The following SRSF1 variants were observed in gnomAD, a reference collection of about 807,000 sequenced individuals.
SRSF1 encodes the protein serine/arginine-rich splicing factor 1.
In SRSF1, 1 loss-of-function variant was observed where a neutral mutation model predicts 25.9. The observed-to-expected ratio is 0.04, with a 90% CI of 0.01 to 0.18. The LOEUF (loss-of-function observed/expected upper bound fraction) is 0.18. Ranked by LOEUF, SRSF1 falls within the 10% of genes least tolerant of loss-of-function variation. The pLI is 1.00. For synonymous variants in SRSF1, 132 were observed against 126.2 expected (o/e 1.05, Z -0.31); for missense variants, 65 against 350.5 (o/e 0.19, Z 6.50).
the SRSF1 span, chr17:57,989,813 C>T: frequency 6.8e-5 from 27 of 398,558 alleles, no homozygotes; most frequent in African/African-American, 4.9e-4. Flanking sequence ...TAGGAGGGGA[C>T]AGAAAATGAT....
chr17:57,991,647 AT>A, the SRSF1 span: 2 of 117,402 alleles, frequency 1.7e-5, no homozygotes, highest in Admixed American at 1.9e-4. Flanking sequence ...CACCCCCCCC[AT>A]CCCCCCTTAA....
Position 58,006,429 on chromosome 17 carries a change from C to G in SRSF1, c.293G>C (p.Gly98Ala). 1 of 1,613,244 alleles carries G rather than the reference C, an allele frequency of 6.2e-7. No individual in the cohort carries two copies. The highest frequency in any genetic ancestry group is 8.5e-7 in the Non-Finnish European group (1 of 1,180,030). The change falls in exon 2 of 4, where the codon GGC becomes GCC. Residue 98 changes from glycine to alanine, a missense_variant. This residue lies in a region of SRSF1 where 63 missense variants were observed against 284.8 expected (regional missense o/e 0.22). Coordinates refer to ENST00000258962, the MANE Select transcript of SRSF1 (RefSeq NM_006924.5). Reference sequence around the variant, plus strand: ...TCCGCCACCTCCACCCCCGCCGCCGCCTCGGCCTGTTCCACGGCCGCTTCG... The same window carrying G: ...TCCGCCACCTCCACCCCCGCCGCCGGCTCGGCCTGTTCCACGGCCGCTTCG... The part of the protein sequence containing the change: ...FPRSGRGTGR[G>A]GGGGGGGGAP...
downstream of SRSF1, among the ~76,000 whole-genome samples, chr17:57,997,877 T>C (rs1022001382): frequency 6.6e-6 from 1 of 152,220 alleles, no homozygotes; most frequent in South Asian, 2.1e-4. Context: ...CTTTGGAATG[T>C]GCTTGTTACA....
Position 58,005,419 on chromosome 17 carries a change from C to G in SRSF1, c.734G>C (p.Arg245Pro). The change falls in exon 4 of 4, where the codon CGC becomes CCC. Residue 245 changes from arginine to proline, a missense_variant. This residue lies in a region of SRSF1 where 63 missense variants were observed against 284.8 expected (regional missense o/e 0.22). Coordinates refer to ENST00000258962, the MANE Select transcript of SRSF1 (RefSeq NM_006924.5). This position sits in a 1 kb window ranked among gnomAD's most constrained non-coding sequence, Gnocchi z 5.2. The part of the protein sequence containing the change: ...PRYSPRHSRS[R>P]SRT ...TCACCAATCATCTTATGTACGAGAGCGAGATCTGCTATGACGGGGAGAATA... is the reference window on the plus strand; with the variant it reads ...TCACCAATCATCTTATGTACGAGAGGGAGATCTGCTATGACGGGGAGAATA... 1 of 1,614,012 alleles carries G rather than the reference C, an allele frequency of 6.2e-7. No individual in the cohort carries two copies.
chr17:57,999,594 G>C (rs569055775), downstream of SRSF1, among the ~76,000 whole-genome samples: 38 of 152,308 alleles, frequency 2.5e-4, no homozygotes, highest in Admixed American at 2.2e-3. Flanking sequence ...AGCTGATACA[G>C]AGGATCAAGG....
rs757349086 is a variant in SRSF1, at chr17:58,006,967, G to C, written c.171C>G (p.Ala57=). Residue 57 remains alanine, a synonymous_variant, in exon 1 of 4, where the codon GCC becomes GCG. Coordinates refer to ENST00000258962, the MANE Select transcript of SRSF1 (RefSeq NM_006924.5). ...ACCGCGGGTCCTCGAACTCAACGAA[G>C]GCGAAGGGCGGTCCCCCGCGGCGAT... The part of the protein sequence containing the change: ...LKNRRGGPPF[A]FVEFEDPRDA... The C allele has an allele frequency of 1.9e-6, 3 of 1,614,282 alleles. No individual in the cohort carries two copies. In the South Asian group the frequency reaches 3.3e-5, roughly 18 times the overall value.
chr17:57,995,690 G>A, the SRSF1 span, among the ~76,000 whole-genome samples: 4 of 152,172 alleles, frequency 2.6e-5, no homozygotes, highest in Non-Finnish European at 4.4e-5. Flanking sequence ...CTCCCAACTG[G>A]AAAAAGCAGG....
rs530427084 is a variant in SRSF1 at position 58,003,502 on chromosome 17, A to T, written c.*1904T>A. On this transcript the variant is annotated 3_prime_UTR_variant, in exon 4 of 4. Transcript: ENST00000258962. ...AAAGGACAACCATGCATAGTTTTTT[A>T]AAAAATGTTTATTTTTTCAAAGAAA... The T allele has an allele frequency of 2.4e-4, 36 of 152,392 alleles. No homozygotes were observed. The South Asian group carries it at 6.6e-3, about 28-fold the overall frequency. The allele number at this position is 152,392 out of a possible 1,614,324, so 9.4% of individuals were successfully genotyped here. A position where few individuals can be genotyped will look rare whatever the true frequency, so the allele number is the denominator to read the frequency against.
chr17:58,006,316 A>G (rs113570181), intron 2 of SRSF1, 27 bp downstream of exon 2: 23 of 1,580,920 alleles, frequency 1.5e-5, no homozygotes, highest in African/African-American at 1.4e-4. Context: ...GTCCCTTCAC[A>G]TCAATCCACA....
the SRSF1 span, chr17:57,991,483 T>C: frequency 6.6e-6 from 1 of 152,148 alleles, no homozygotes; most frequent in Admixed American, 6.5e-5. Flanking sequence ...CAACTCTTTA[T>C]GCAAAAAAGC....
rs549142905 is a variant in SRSF1, at chr17:58,005,689, G to C, written c.553-89C>G. The C allele has an allele frequency of 1.9e-6, 3 of 1,607,494 alleles. No individual in the cohort carries two copies. The highest frequency in any genetic ancestry group is 1.3e-5 in the African/African-American group (1 of 74,606). ...AATGAATACAATGTAACTAAAACCA[G>C]AAATCTGGCAATTTACTTGGACAAC... On this transcript the variant is annotated intron_variant, in intron 3 of 3. Coordinates refer to ENST00000258962, the MANE Select transcript of SRSF1 (RefSeq NM_006924.5). This position sits in a 1 kb window ranked among gnomAD's most constrained non-coding sequence, Gnocchi z 5.2.
downstream of SRSF1, among the ~76,000 whole-genome samples, chr17:57,997,546 A>G (rs796427923): frequency 1.9e-4 from 29 of 152,348 alleles, no homozygotes; most frequent in African/African-American, 6.7e-4. Context: ...GTGATTGAGA[A>G]CAGGATAAAT....
chr17:58,006,695 C>A, intron 1 of SRSF1, 168 bp from the exon 2 acceptor site: 1 of 925,550 alleles, frequency 1.1e-6, no homozygotes, highest in Non-Finnish European at 1.6e-6. Flanking sequence ...AGGCTCCCAA[C>A]CACTACACCA....
intron 1 of SRSF1, 132 bp from the exon 2 acceptor site, chr17:58,006,659 GCCCCTC>G: frequency 8.9e-7 from 1 of 1,118,402 alleles, no homozygotes; most frequent in Non-Finnish European, 1.2e-6. Context: ...AATAGGAATG[GCCCCTC>G]CCCCACCCAG....
rs926854647 is a variant in SRSF1 at position 58,002,796 on chromosome 17, G to A, written c.*2610C>T. 7.2e-5 allele frequency among the ~76,000 whole-genome samples: 11 copies of A among 152,196 alleles called. No individual in the cohort carries two copies. Among genetic ancestry groups the A allele is most frequent in the African/African-American group, 2.7e-4 (11 of 41,454 alleles). ...GGAGGCCAAGGCAGGCAGATCACTT[G>A]AGGCCAGGAGTTTTGGGACCAGCCT... On this transcript the variant is annotated 3_prime_UTR_variant, in exon 4 of 4. Coordinates refer to ENST00000258962, the MANE Select transcript of SRSF1 (RefSeq NM_006924.5).
intron 1 of SRSF1, 79 bp from the exon 2 acceptor site, chr17:58,006,606 C>A (rs761884673): frequency 1.0e-4 from 148 of 1,452,950 alleles, no homozygotes; most frequent in Non-Finnish European, 1.3e-4. Context: ...GCAAACCCCC[C>A]GCACATGCGC....
At position 58,002,918 on chromosome 17, in the gene SRSF1, C is replaced by T. The variant is rs891547044; in HGVS notation, c.*2488G>A. Reference sequence around the variant, plus strand: ...GTCTCAGCTACTTGGGAGACTGAGGCACGAGAATCACTCAAATCCAGGGGT... The same window carrying T: ...GTCTCAGCTACTTGGGAGACTGAGGTACGAGAATCACTCAAATCCAGGGGT... On this transcript the variant is annotated 3_prime_UTR_variant, in exon 4 of 4. Coordinates refer to ENST00000258962, the MANE Select transcript of SRSF1 (RefSeq NM_006924.5). Among the ~76,000 whole-genome samples the T allele has an allele frequency of 3.9e-5, 6 of 152,150 alleles. No homozygotes were observed. The highest frequency in any genetic ancestry group is 8.8e-5 in the Non-Finnish European group (6 of 68,028).
chr17:58,006,070 A>C (rs2075424866), intron 2 of SRSF1, 97 bp from the exon 3 acceptor site: 1 of 1,175,980 alleles, frequency 8.5e-7, no homozygotes, highest in African/African-American at 1.5e-5. Flanking sequence ...TAAAGTACTT[A>C]ATAGGTGTAC....
chr17:58,004,346 C>G lies in SRSF1; in HGVS notation c.*1060G>C, dbSNP rs2075412567. 3 of 152,556 alleles carry G rather than the reference C, an allele frequency of 2.0e-5. No homozygotes were observed. Among genetic ancestry groups the G allele is most frequent in the Admixed American group, 2.0e-4 (3 of 15,278 alleles). 9.5% of individuals were successfully genotyped at this position (152,556 alleles called of 1,614,324 possible). A position where few individuals can be genotyped will look rare whatever the true frequency, so the allele number is the denominator to read the frequency against. ...TAAGTCTAAAACTAAATCTAATGCT[C>G]CCATTTGCAATTTAATTTGTAAATT... is the stretch of plus-strand genomic sequence containing the variant. On this transcript the variant is annotated 3_prime_UTR_variant, in exon 4 of 4. Transcript: ENST00000258962.
Sources: allele counts gnomAD v4.1 joint callset (sites outside exome capture counted in the v4.1 genomes callset), GRCh38; gene constraint gnomAD v4.1.1; regional missense constraint gnomAD v4.1.1; non-coding constraint Gnocchi (gnomAD v3.1); transcripts MANE v1.5; gene names NCBI Gene and HGNC (gene_info 2026-07-23, HGNC 2026-07-21).